The following PTPRG variants were observed in gnomAD, a reference collection of about 807,000 sequenced individuals.
PTPRG encodes the protein receptor-type tyrosine-protein phosphatase gamma.
In PTPRG, 102 loss-of-function variants were observed where a neutral mutation model predicts 165.3. The observed-to-expected ratio is 0.62, with a 90% CI of 0.53 to 0.73. The LOEUF (loss-of-function observed/expected upper bound fraction) is 0.73. PTPRG is among the 30% of genes least tolerant of loss of function. The probability of loss-of-function intolerance (pLI) is 0.00; values close to 1 mark genes in which losing one functional copy is unlikely to be tolerated. For missense variants in PTPRG, 1,866 were observed against 1,861.4 expected (o/e 1.00, Z -0.05); for synonymous variants, 675 against 669.5 (o/e 1.01, Z -0.13).
chr3:62,123,814 G>T (rs982743951), intron 5 of PTPRG, among the ~76,000 whole-genome samples: 3 of 152,046 alleles, frequency 2.0e-5, no homozygotes, highest in African/African-American at 7.2e-5. Context: ...CTGACCAAAA[G>T]ACTTCATTTA....
intron 1 of PTPRG, among the ~76,000 whole-genome samples, chr3:61,745,051 C>CTTTTTTTTTTTTTTTTTTTTTTTTTTT (rs10669472): frequency 9.0e-6 from 1 of 111,626 alleles, no homozygotes; most frequent in African/African-American, 3.4e-5. Context: ...CATTCCCTCA[C>CTTTTTTTTTTTTTTTTTTTTTTTTTTT]TTTTTTTTTT....
Position 62,168,061 on chromosome 3 carries a change from C to A in PTPRG, c.931C>A (p.Arg311Ser), listed in dbSNP as rs762084994. Residue 311 changes from arginine to serine, a missense_variant, in exon 8 of 30, where the codon CGT (arginine) becomes AGT (serine). Physicochemically the swap from Arg to Ser is moderately radical, Grantham distance 110 (BLOSUM62 -1). This residue lies in a region of PTPRG where 1,452 missense variants were observed against 1,463.0 expected (regional missense o/e 0.99). Transcript: ENST00000474889. ...GAGAAATAACTTTCGACCACAGCAG[C>A]GTCTGCATGACAGGGTGGTGTCCAA... is the stretch of plus-strand genomic sequence containing the variant. ...YLRNNFRPQQ[R>S]LHDRVVSKSA... 6 of 1,613,928 alleles carry A rather than the reference C, an allele frequency of 3.7e-6. No homozygotes were observed. In the Admixed American group the frequency reaches 8.3e-5, roughly 22 times the overall value.
chr3:61,989,603 A>T (rs2040835228), intron 2 of PTPRG, 22 bp from the exon 3 acceptor site: 1 of 1,608,000 alleles, frequency 6.2e-7, no homozygotes, highest in Non-Finnish European at 8.5e-7. Flanking sequence ...ATGAGGATTG[A>T]AGTGTTGTCT....
intron 1 of PTPRG, among the ~76,000 whole-genome samples, chr3:61,662,377 T>A (rs1355305357): frequency 6.6e-6 from 1 of 152,150 alleles, no homozygotes; most frequent in East Asian, 1.9e-4. Context: ...AATGGAGGCC[T>A]CCCACTGATA....
intron 2 of PTPRG, among the ~76,000 whole-genome samples, chr3:61,874,323 C>A (rs1420375039): frequency 6.6e-6 from 1 of 152,172 alleles, no homozygotes; most frequent in East Asian, 1.9e-4. Context: ...CCACGTCTTA[C>A]CAAATATGTT....
At chr3:62,044,286 C>A (rs1700218869) in intron 4 of PTPRG, among the ~76,000 whole-genome samples, 1 of 152,352 alleles carries the variant, frequency 6.6e-6, no homozygotes, top group South Asian at 2.1e-4. Context: ...CGCCTGTAAT[C>A]CCAGCACTTT....
At chr3:61,981,479 C>T (rs548941757) in intron 2 of PTPRG, among the ~76,000 whole-genome samples, 1 of 152,306 alleles carries the variant, frequency 6.6e-6, no homozygotes, top group South Asian at 2.1e-4. Flanking sequence ...GGGTCAGGGT[C>T]ATGCCATTTA....
At chr3:62,258,353 A>C (rs982173569) in intron 16 of PTPRG, among the ~76,000 whole-genome samples, 2 of 152,246 alleles carry the variant, frequency 1.3e-5, no homozygotes, top group African/African-American at 4.8e-5. Context: ...AATATGAATT[A>C]GAGTCCTTGC....
intron 4 of PTPRG, among the ~76,000 whole-genome samples, chr3:62,061,517 C>T (rs909615698): frequency 2.6e-5 from 4 of 152,086 alleles, no homozygotes; most frequent in South Asian, 2.1e-4. Flanking sequence ...AACTTCCCTG[C>T]TGAGATTTAT....
chr3:61,618,987 A>G (rs1701378276), intron 1 of PTPRG, among the ~76,000 whole-genome samples: 1 of 151,146 alleles, frequency 6.6e-6, no homozygotes, highest in East Asian at 1.9e-4. Flanking sequence ...AAAAAAAAAA[A>G]AAAAAAAAAA....
chr3:62,065,582 G>GAAT (rs1160487072), intron 4 of PTPRG, among the ~76,000 whole-genome samples: 256 of 152,160 alleles, frequency 1.7e-3, no homozygotes, highest in African/African-American at 5.9e-3. Flanking sequence ...AAGGGATACT[G>GAAT]AATAATAATA....
intron 2 of PTPRG, among the ~76,000 whole-genome samples, chr3:61,910,020 A>T (rs2038760584): frequency 6.6e-6 from 1 of 152,048 alleles, no homozygotes; most frequent in African/African-American, 2.4e-5. Context: ...TCTTTCACTC[A>T]TATTCCATTC....
At chr3:62,158,017 T>C (rs746817212) in intron 7 of PTPRG, among the ~76,000 whole-genome samples, 1 of 152,186 alleles carries the variant, frequency 6.6e-6, no homozygotes, top group Non-Finnish European at 1.5e-5. Context: ...TGGGTTTGCC[T>C]GATTCCAAAA....
intron 1 of PTPRG, among the ~76,000 whole-genome samples, chr3:61,716,822 A>G (rs528734917): frequency 3.3e-5 from 5 of 152,262 alleles, no homozygotes; most frequent in Admixed American, 3.3e-4. Flanking sequence ...AACTACAAAA[A>G]TTAGCTGGGT....
intron 4 of PTPRG, among the ~76,000 whole-genome samples, chr3:62,048,203 A>AT (rs1225303128): frequency 1.3e-5 from 2 of 152,174 alleles, no homozygotes; most frequent in Non-Finnish European, 2.9e-5. Flanking sequence ...AAGAAAGAAA[A>AT]CAAGGAGGTA....
chr3:61,640,311 C>T (rs1044904091), intron 1 of PTPRG, among the ~76,000 whole-genome samples: 7 of 152,152 alleles, frequency 4.6e-5, no homozygotes, highest in Admixed American at 1.3e-4. Context: ...AAATGAAAGC[C>T]GCCCTCTGGA....
At chr3:62,050,396 T>C (rs1700433843) in intron 4 of PTPRG, among the ~76,000 whole-genome samples, 1 of 152,224 alleles carries the variant, frequency 6.6e-6, no homozygotes, top group Non-Finnish European at 1.5e-5. Flanking sequence ...CTATACCACA[T>C]AGCCAAGGTG....
chr3:62,275,020 A>G (rs1559745629), intron 23 of PTPRG, among the ~76,000 whole-genome samples: 1 of 152,138 alleles, frequency 6.6e-6, no homozygotes, highest in African/African-American at 2.4e-5. Context: ...ACAAGAATCA[A>G]ACTTGAAAAT....
At chr3:62,077,997 CAAA>C (rs56828286) in intron 4 of PTPRG, among the ~76,000 whole-genome samples, 163 bp from the exon 5 acceptor site, 9 of 94,336 alleles carry the variant, frequency 9.5e-5, no homozygotes, top group Admixed American at 1.2e-4. Flanking sequence ...GACCTTATCT[CAAA>C]AAAAAAAAAA....
Sources: allele counts gnomAD v4.1 joint callset (sites outside exome capture counted in the v4.1 genomes callset), GRCh38; gene constraint gnomAD v4.1.1; regional missense constraint gnomAD v4.1.1; transcripts MANE v1.5; gene names NCBI Gene and HGNC (gene_info 2026-07-23, HGNC 2026-07-21).